The following ZNF503 variants were observed in gnomAD, a reference collection of about 807,000 sequenced individuals.
ZNF503 encodes NocA-like zinc finger 2.
ZNF503 carries 15 observed loss-of-function variants against 34.4 expected under a neutral mutation model. The observed-to-expected ratio is 0.44, with a 90% CI of 0.29 to 0.67. The LOEUF (loss-of-function observed/expected upper bound fraction) is 0.67, where lower values mean the gene tolerates loss of function less well. ZNF503 is among the 30% of genes least tolerant of loss of function. The pLI is 0.13. For synonymous variants in ZNF503, 580 were observed against 456.8 expected (o/e 1.27, Z -3.44); for missense variants, 1,007 against 926.8 (o/e 1.09, Z -1.12).
At chr10:75,333,062 G>A in the ZNF503 span, among the ~76,000 whole-genome samples, 3 of 146,140 alleles carry the variant, frequency 2.1e-5, no homozygotes, top group Non-Finnish European at 3.0e-5. Context: ...CCGGGCAGAG[G>A]CGCCCCTCAC....
chr10:75,397,014 A>AGCCCCAGAAAG (rs1361261530), downstream of ZNF503, among the ~76,000 whole-genome samples: 2 of 152,138 alleles, frequency 1.3e-5, no homozygotes, highest in African/African-American at 4.8e-5. Flanking sequence ...CCCACCTGGT[A>AGCCCCAGAAAG]GCCCCAGAAA....
chr10:75,364,323 A>G, the ZNF503 span, among the ~76,000 whole-genome samples: 1 of 152,142 alleles, frequency 6.6e-6, no homozygotes, highest in African/African-American at 2.4e-5. Flanking sequence ...TCCCACCCAA[A>G]GCCTGCTTTC....
chr10:75,294,534 C>T, the ZNF503 span, among the ~76,000 whole-genome samples: 4 of 152,172 alleles, frequency 2.6e-5, no homozygotes, highest in African/African-American at 9.7e-5. Flanking sequence ...ATTTCAAAGA[C>T]TGCAGTCTTC....
At chr10:75,282,221 GAGA>G in the ZNF503 span, among the ~76,000 whole-genome samples, 1 of 152,214 alleles carries the variant, frequency 6.6e-6, no homozygotes, top group Non-Finnish European at 1.5e-5. Context: ...TGTAGGTGGG[GAGA>G]AGGTGAGAGA....
At chr10:75,327,430 C>T in the ZNF503 span, among the ~76,000 whole-genome samples, 1 of 152,158 alleles carries the variant, frequency 6.6e-6, no homozygotes, top group Non-Finnish European at 1.5e-5. Flanking sequence ...GAAAAACAGG[C>T]TTTTTCTTTT....
the ZNF503 span, among the ~76,000 whole-genome samples, chr10:75,348,127 A>G: frequency 6.6e-6 from 1 of 152,034 alleles, no homozygotes; most frequent in South Asian, 2.1e-4. Flanking sequence ...CAGTGGCACA[A>G]TCTCGGCTCA....
At chr10:75,375,802 C>T in the ZNF503 span, among the ~76,000 whole-genome samples, 1 of 152,232 alleles carries the variant, frequency 6.6e-6, no homozygotes, top group African/African-American at 2.4e-5. Context: ...CATACATGAG[C>T]CACTGAGCCC....
At chr10:75,392,533 AG>A in the ZNF503 span, among the ~76,000 whole-genome samples, 1 of 152,196 alleles carries the variant, frequency 6.6e-6, no homozygotes. Context: ...ATTCCAGGGA[AG>A]GAGTGTATGA....
the ZNF503 span, among the ~76,000 whole-genome samples, chr10:75,298,297 C>T: frequency 6.6e-6 from 1 of 152,134 alleles, no homozygotes; most frequent in Admixed American, 6.5e-5. Flanking sequence ...CTATTTAATT[C>T]GAGAACATTT....
At chr10:75,324,916 A>T in the ZNF503 span, among the ~76,000 whole-genome samples, 1 of 152,212 alleles carries the variant, frequency 6.6e-6, no homozygotes, top group Admixed American at 6.5e-5. Flanking sequence ...TCCATTATGT[A>T]GCATGTATCA....
chr10:75,300,704 C>CTTTTTTTTTTTTTT, the ZNF503 span, among the ~76,000 whole-genome samples: 5 of 108,734 alleles, frequency 4.6e-5, no homozygotes, highest in African/African-American at 1.1e-4. Context: ...TTCTTTCTTT[C>CTTTTTTTTTTTTTT]TTTTTTTTTT....
At chr10:75,356,247 C>T in the ZNF503 span, among the ~76,000 whole-genome samples, 2 of 152,162 alleles carry the variant, frequency 1.3e-5, no homozygotes. Context: ...GATGGAGTCT[C>T]ACTCTGTCGC....
At chr10:75,294,776 C>G in the ZNF503 span, among the ~76,000 whole-genome samples, 2 of 149,896 alleles carry the variant, frequency 1.3e-5, no homozygotes, top group Non-Finnish European at 3.0e-5. Context: ...AGGGAGACCC[C>G]GGAGAGGAAG....
the ZNF503 span, among the ~76,000 whole-genome samples, chr10:75,362,986 G>T: frequency 6.6e-6 from 1 of 152,050 alleles, no homozygotes; most frequent in African/African-American, 2.4e-5. Flanking sequence ...TGTGAAAGCT[G>T]CAAGGAAGGG....
chr10:75,398,545 G>A lies in ZNF503; in HGVS notation c.*204C>T. On this transcript the variant is annotated 3_prime_UTR_variant, in exon 2 of 2. Transcript: ENST00000372524. ...AACTTTTATAAAGTTTGGGTGGGGA[G>A]GTGAAAGTGGGGAGAAGGGGAGTGT... is the stretch of plus-strand genomic sequence containing the variant. 2.4e-6 allele frequency: 1 copy of A among 412,522 alleles called. No individual in the cohort carries two copies. Among genetic ancestry groups the A allele is most frequent in the Non-Finnish European group, 4.2e-6 (1 of 239,764 alleles). 25.6% of individuals were successfully genotyped at this position (412,522 alleles called of 1,614,324 possible).
the ZNF503 span, among the ~76,000 whole-genome samples, chr10:75,311,903 A>AT: frequency 2.6e-5 from 4 of 151,556 alleles, no homozygotes; most frequent in East Asian, 7.8e-4. Context: ...ACACCCAGCT[A>AT]ATTTTTTTTT....
At chr10:75,321,345 C>T in the ZNF503 span, among the ~76,000 whole-genome samples, 2,997 of 152,052 alleles carry the variant, frequency 0.02, 111 homozygotes, top group African/African-American at 0.068. Flanking sequence ...TGGACTAATA[C>T]GGAAAATTGG....
chr10:75,395,915 G>A (rs535005767), downstream of ZNF503, among the ~76,000 whole-genome samples: 27 of 152,366 alleles, frequency 1.8e-4, 1 homozygote, highest in East Asian at 5.2e-3. The surrounding 1 kb of genome is among the most constrained non-coding windows in gnomAD (Gnocchi z 4.4). Context: ...TGAATCCCAG[G>A]GCGGGGGAAT....
the ZNF503 span, among the ~76,000 whole-genome samples, chr10:75,392,100 C>T: frequency 6.6e-6 from 1 of 152,180 alleles, no homozygotes; most frequent in African/African-American, 2.4e-5. Context: ...GCACAGGGAC[C>T]AGCACAGTGT....
Sources: gnomAD v4.1 joint callset for allele counts (sites outside exome capture counted in the v4.1 genomes callset) on GRCh38, gnomAD v4.1.1 for gene constraint, Gnocchi (gnomAD v3.1) non-coding constraint, MANE v1.5 for transcripts, NCBI Gene and HGNC (gene_info 2026-07-23, HGNC 2026-07-21) for gene names.